Variants in TOP2B observed in about 807,000 individuals in gnomAD.
The protein encoded by TOP2B is DNA topoisomerase II beta, also known as DNA topoisomerase 2-beta.
TOP2B carries 51 observed loss-of-function variants against 193.5 expected under a neutral mutation model. That is an observed-to-expected ratio of 0.26 (90% CI 0.21 to 0.33). The LOEUF (loss-of-function observed/expected upper bound fraction) is 0.33, where lower values mean the gene tolerates loss of function less well. Among genes scored for constraint, TOP2B ranks in the 10% least tolerant of loss-of-function variants. The pLI is 1.00. For missense variants in TOP2B, 1,378 were observed against 1,909.3 expected (o/e 0.72, Z 5.19); for synonymous variants, 634 against 635.7 (o/e 1.00, Z 0.04).
At chr3:25,598,563 G>T in intron 35 of TOP2B, 86 bp from the exon 36 acceptor site, 1 of 1,016,290 alleles carries the variant, frequency 9.8e-7, no homozygotes, top group Non-Finnish European at 1.4e-6. Flanking sequence ...CTTCGCTTAT[G>T]TTTAGGAAGT....
In TOP2B at chr3:25,607,238, C is replaced by T. The variant is rs937253830; in HGVS notation, c.4231G>A (p.Val1411Ile). 2 of 1,606,948 alleles carry T rather than the reference C, an allele frequency of 1.2e-6. No individual in the cohort carries two copies. Among genetic ancestry groups the T allele is most frequent in the African/African-American group, 2.7e-5 (2 of 74,980 alleles). Residue 1411 changes from valine (V) to isoleucine (I), a missense_variant, in exon 31 of 36, where the codon GTT becomes ATT. By Grantham distance (29) the Val-to-Ile change is conservative. Coordinates refer to ENST00000264331, the MANE Select transcript of TOP2B (RefSeq NM_001330700.2). ...PITNDGEDEF[V>I]PSDGLDKDEY... ...TCTTTATCTAACCCATCTGAAGGAA[C>T]AAATTCATCTTCCCCATCATTTGTT... is the stretch of plus-strand genomic sequence containing the variant.
At chr3:25,620,973 T>C (rs1702644837) in intron 21 of TOP2B, among the ~76,000 whole-genome samples, 157 bp from the exon 22 acceptor site, 1 of 152,252 alleles carries the variant, frequency 6.6e-6, no homozygotes, top group Non-Finnish European at 1.5e-5. Context: ...TCATAGCTTC[T>C]GTTCATACAA....
At chr3:25,602,410 GAAAAAGA>G (rs1559490083) in intron 33 of TOP2B, among the ~76,000 whole-genome samples, 15 of 89,568 alleles carry the variant, frequency 1.7e-4, no homozygotes, top group Admixed American at 7.4e-4. Flanking sequence ...AAAAAAAAAA[GAAAAAGA>G]AAAAAAAAAA....
chr3:25,656,516 T>C (rs1017445128), intron 1 of TOP2B, among the ~76,000 whole-genome samples: 4 of 152,126 alleles, frequency 2.6e-5, no homozygotes, highest in Non-Finnish European at 5.9e-5. Context: ...TTTCAATGAG[T>C]AAATAAGTCT....
At chr3:25,631,635 T>C (rs1319938449) in intron 10 of TOP2B, among the ~76,000 whole-genome samples, 1 of 152,026 alleles carries the variant, frequency 6.6e-6, no homozygotes. Flanking sequence ...GTGAACTGTG[T>C]TGTCAAATTT....
intron 30 of TOP2B, among the ~76,000 whole-genome samples, chr3:25,608,816 G>A (rs188569834): frequency 2.0e-3 from 312 of 152,198 alleles, no homozygotes; most frequent in African/African-American, 6.9e-3. Flanking sequence ...AAAGCGGGAG[G>A]AAATTTTTCA....
intron 6 of TOP2B, among the ~76,000 whole-genome samples, chr3:25,636,770 T>C (rs963659242): frequency 6.6e-6 from 1 of 151,862 alleles, no homozygotes; most frequent in African/African-American, 2.4e-5. Flanking sequence ...AACAACGGGG[T>C]TGCTGGAGAG....
intron 7 of TOP2B, among the ~76,000 whole-genome samples, chr3:25,635,090 G>C (rs150797702): frequency 4.6e-5 from 7 of 152,112 alleles, no homozygotes; most frequent in Non-Finnish European, 7.4e-5. Context: ...GCAAGAGACA[G>C]ATCACCTCTG....
chr3:25,600,644 T>C (rs1416491211), intron 34 of TOP2B, among the ~76,000 whole-genome samples: 1 of 152,248 alleles, frequency 6.6e-6, no homozygotes, highest in African/African-American at 2.4e-5. Context: ...TTCCAGATTC[T>C]GGAGTTAAAG....
chr3:25,609,659 T>A lies in TOP2B; in HGVS notation c.3840A>T (p.Gly1280=). 1.3e-6 allele frequency: 2 copies of A among 1,538,768 alleles called. No individual in the cohort carries two copies. The highest frequency in any genetic ancestry group is 1.7e-6 in the Non-Finnish European group (2 of 1,148,372). The change falls in exon 29 of 36, where the codon GGA becomes GGT. Residue 1280 remains glycine, a synonymous_variant. Transcript: ENST00000264331. ...CTTCTCCTGCACCTTCTACTGGTGC[T>A]CCACTGAATTCTTCATCAAATTCCA... The part of the protein sequence containing the change: ...VKVEFDEEFS[G]APVEGAGEEA...
At position 25,620,664 on chromosome 3, in the gene TOP2B, T is replaced by C. The variant is rs774391069; in HGVS notation, c.2862+18A>G. ...ATACACTGCCCTTCCCTCAGGCAGA[T>C]CACATATTTACACTGACCTGTGTCC... On this transcript the variant is annotated intron_variant, in intron 22 of 35. Coordinates refer to ENST00000264331, the MANE Select transcript of TOP2B (RefSeq NM_001330700.2). 8.7e-6 allele frequency: 14 copies of C among 1,606,694 alleles called. No individual in the cohort carries two copies. The highest frequency in any genetic ancestry group is 1.2e-5 in the Non-Finnish European group (14 of 1,176,446).
chr3:25,630,330 C>T lies in TOP2B; in HGVS notation c.1545G>A (p.Arg515=). The change falls in exon 12 of 36, where the codon CGG becomes CGA. Residue 515 remains arginine, a synonymous_variant. Coordinates refer to ENST00000264331, the MANE Select transcript of TOP2B (RefSeq NM_001330700.2). ...FPLRGKILNV[R]EASHKQIMEN... ...TACATACCTGTTTATGAGAAGCTTC[C>T]CGTACATTAAGAATTTTGCCCCTGA... 1 of 1,551,192 alleles carries T rather than the reference C, an allele frequency of 6.4e-7. No homozygotes were observed. The highest frequency in any genetic ancestry group is 1.4e-5 in the African/African-American group (1 of 73,044).
intron 1 of TOP2B, among the ~76,000 whole-genome samples, chr3:25,655,734 A>G (rs1021255936): frequency 8.5e-5 from 13 of 152,242 alleles, no homozygotes; most frequent in African/African-American, 3.1e-4. Context: ...GTGCTATAAC[A>G]TGGATGAACC....
intron 20 of TOP2B, 48 bp from the exon 21 acceptor site, chr3:25,623,794 A>G: frequency 8.0e-7 from 1 of 1,255,974 alleles, no homozygotes; most frequent in Non-Finnish European, 1.1e-6. Context: ...TGGCTTTGGG[A>G]AAGAAAACTT....
At chr3:25,633,369 G>C (rs1703015517) in intron 8 of TOP2B, among the ~76,000 whole-genome samples, 1 of 152,006 alleles carries the variant, frequency 6.6e-6, no homozygotes, top group Non-Finnish European at 1.5e-5. Flanking sequence ...CAGGGGAAAG[G>C]GTACACAAAG....
intron 30 of TOP2B, among the ~76,000 whole-genome samples, chr3:25,608,484 A>G (rs1458694378): frequency 1.3e-5 from 2 of 152,182 alleles, no homozygotes; most frequent in Non-Finnish European, 2.9e-5. Context: ...AAGAAATTCA[A>G]TCACTTGGTG....
At chr3:25,641,554 C>A (rs149974811) in intron 4 of TOP2B, among the ~76,000 whole-genome samples, 1 of 151,666 alleles carries the variant, frequency 6.6e-6, no homozygotes, top group East Asian at 1.9e-4. Context: ...TAAATAATCT[C>A]GACAGCACAG....
At chr3:25,622,555 G>A (rs888558275) in intron 21 of TOP2B, among the ~76,000 whole-genome samples, 1 of 151,698 alleles carries the variant, frequency 6.6e-6, no homozygotes, top group African/African-American at 2.4e-5. Flanking sequence ...AAATCATGGG[G>A]AGGAAGGAAG....
Position 25,637,154 on chromosome 3 carries a change from T to C in TOP2B, c.639+61A>G, listed in dbSNP as rs1470749598. 18 of 1,312,084 alleles carry C rather than the reference T, an allele frequency of 1.4e-5. No homozygotes were observed. In the Admixed American group the frequency reaches 3.1e-4, roughly 23 times the overall value. The allele number at this position is 1,312,084 out of a possible 1,614,324, so 81.3% of individuals were successfully genotyped here. ...CACTGCAATTTACCCAAGGTTCTAC[T>C]ATCTCGGCAAGATAATAAAACGTTA... On this transcript the variant is annotated intron_variant, in intron 6 of 35. Transcript: ENST00000264331.
Sources: gnomAD v4.1 joint callset for allele counts (sites outside exome capture counted in the v4.1 genomes callset) on GRCh38, gnomAD v4.1.1 for gene constraint, MANE v1.5 for transcripts, NCBI Gene and HGNC (gene_info 2026-07-23, HGNC 2026-07-21) for gene names.